The following RIN3 variants were observed in gnomAD, a reference collection of about 807,000 sequenced individuals.
RIN3 encodes RAB5 interacting protein 3.
RIN3 carries 54 observed loss-of-function variants against 76.3 expected under a neutral mutation model. The observed-to-expected ratio is 0.71, with a 90% CI of 0.57 to 0.89. RIN3 has a LOEUF of 0.89. Among genes scored for constraint, RIN3 ranks in the 40% least tolerant of loss-of-function variants. The pLI is 0.00. For missense variants in RIN3, 1,256 were observed against 1,322.1 expected (o/e 0.95, Z 0.78); for synonymous variants, 576 against 564.0 (o/e 1.02, Z -0.30).
intron 3 of RIN3, among the ~76,000 whole-genome samples, chr14:92,598,557 G>A (rs1421109875): frequency 2.0e-5 from 3 of 152,164 alleles, no homozygotes; most frequent in Non-Finnish European, 4.4e-5. Flanking sequence ...ATGAAGAAAC[G>A]GAGGCACAGA....
At chr14:92,523,754 C>T (rs1417701644) in intron 1 of RIN3, among the ~76,000 whole-genome samples, 1 of 152,228 alleles carries the variant, frequency 6.6e-6, no homozygotes, top group African/African-American at 2.4e-5. Flanking sequence ...TTTGACAGGG[C>T]TAGGTTTGCT....
chr14:92,561,470 T>C (rs1897776909), intron 2 of RIN3, among the ~76,000 whole-genome samples: 2 of 151,074 alleles, frequency 1.3e-5, no homozygotes, highest in Non-Finnish European at 3.0e-5. Flanking sequence ...ATAGCCACCT[T>C]TATTTATTCT....
At chr14:92,621,799 C>A (rs1175612950) in intron 4 of RIN3, among the ~76,000 whole-genome samples, 8 of 152,176 alleles carry the variant, frequency 5.3e-5, no homozygotes, top group Non-Finnish European at 1.2e-4. Flanking sequence ...AGTAAGTGTA[C>A]ATACAAATAA....
At chr14:92,629,441 G>A (rs191042727) in intron 4 of RIN3, among the ~76,000 whole-genome samples, 30 of 152,340 alleles carry the variant, frequency 2.0e-4, no homozygotes, top group African/African-American at 6.7e-4. Context: ...AGAATCTGGG[G>A]GAGTTTAAAT....
At chr14:92,630,256 C>T (rs768228683) in intron 4 of RIN3, among the ~76,000 whole-genome samples, 24 of 152,108 alleles carry the variant, frequency 1.6e-4, no homozygotes, top group Non-Finnish European at 2.9e-5. Flanking sequence ...TTTAGGAGGC[C>T]GAGGCGGGTG....
chr14:92,543,562 G>A (rs1480135695), intron 1 of RIN3, among the ~76,000 whole-genome samples: 1 of 151,436 alleles, frequency 6.6e-6, no homozygotes, highest in East Asian at 1.9e-4. Flanking sequence ...GCAATGGTGG[G>A]AGCATTTACA....
intron 3 of RIN3, among the ~76,000 whole-genome samples, chr14:92,596,767 G>A (rs1040504513): frequency 6.6e-6 from 1 of 152,206 alleles, no homozygotes; most frequent in African/African-American, 2.4e-5. Context: ...GATGGCTTCA[G>A]CAAGGACAGC....
chr14:92,519,531 C>T (rs28529220), intron 1 of RIN3, among the ~76,000 whole-genome samples: 29,117 of 152,088 alleles, frequency 0.19, 3,409 homozygotes, highest in Non-Finnish European at 0.27. Context: ...CGCAGACAGC[C>T]GGGGATACGG....
intron 5 of RIN3, 87 bp from the exon 6 acceptor site, chr14:92,651,495 G>A (rs1018649533): frequency 4.0e-5 from 17 of 423,940 alleles, no homozygotes; most frequent in African/African-American, 3.1e-4. Context: ...CCTCCCACCC[G>A]TGGACCCCGC....
intron 5 of RIN3, among the ~76,000 whole-genome samples, chr14:92,646,242 C>T (rs1887195938): frequency 1.3e-5 from 2 of 152,170 alleles, no homozygotes; most frequent in Admixed American, 6.5e-5. Context: ...CGCCCCTCGG[C>T]CCTTTCCTCC....
chr14:92,566,799 C>T (rs1348182800), intron 2 of RIN3, among the ~76,000 whole-genome samples: 2 of 152,220 alleles, frequency 1.3e-5, no homozygotes, highest in South Asian at 2.1e-4. Flanking sequence ...AGGCCCAACA[C>T]TCTGGACCTG....
chr14:92,515,301 C>A, intron 1 of RIN3: 1 of 696,376 alleles, frequency 1.4e-6, no homozygotes. Context: ...ATCTGCCACA[C>A]CCAAGATGGC....
chr14:92,543,091 C>T (rs1211034464), intron 1 of RIN3, among the ~76,000 whole-genome samples: 1 of 152,106 alleles, frequency 6.6e-6, no homozygotes, highest in Non-Finnish European at 1.5e-5. Flanking sequence ...AAAAACGAAC[C>T]ACCCTATCTG....
intron 4 of RIN3, among the ~76,000 whole-genome samples, chr14:92,617,142 T>C (rs936768925): frequency 6.6e-6 from 1 of 152,000 alleles, no homozygotes; most frequent in African/African-American, 2.4e-5. Context: ...CTACTAAAAA[T>C]ACCAAAAATT....
intron 1 of RIN3, among the ~76,000 whole-genome samples, chr14:92,523,069 C>A (rs903322835): frequency 1.1e-4 from 16 of 152,176 alleles, no homozygotes; most frequent in African/African-American, 3.6e-4. Context: ...GACTGCTTAC[C>A]AGTTTTTTAT....
In RIN3 at chr14:92,652,101, TG is replaced by T. The variant is rs1441187564; in HGVS notation, c.1055del (p.Gly352AlafsTer8). 6.2e-7 allele frequency: 1 copy of T among 1,603,134 alleles called. No homozygotes were observed. The highest frequency in any genetic ancestry group is 2.2e-5 in the East Asian group (1 of 44,628). ...AGACTCCCATGCCCCACTGCAGGCC[TG>T]GGCCCCCTCAGGGAGGAAGCGATGA... is the stretch of plus-strand genomic sequence containing the variant. Reference protein sequence around the residue: ...CERLPCPTAGLGPLREEAMKP... With the variant: ...CERLPCPTAGXGPLREEAMKP... On this transcript the variant is annotated frameshift_variant, in exon 6 of 10. Coordinates refer to ENST00000216487, the MANE Select transcript of RIN3 (RefSeq NM_024832.5). LOFTEE classifies it high-confidence loss of function. The surrounding 1 kb of genome is among the most constrained non-coding windows in gnomAD (Gnocchi z 6.4).
rs1194518273 is a variant in RIN3 at position 92,527,555 on chromosome 14, C to T, written c.44+13579C>T. Among the ~76,000 whole-genome samples the T allele has an allele frequency of 2.0e-5, 3 of 152,142 alleles. No individual in the cohort carries two copies. The East Asian group carries it at 5.8e-4, about 29-fold the overall frequency. On this transcript the variant is annotated intron_variant, in intron 1 of 9. Coordinates refer to ENST00000216487, the MANE Select transcript of RIN3 (RefSeq NM_024832.5). Reference sequence around the variant, plus strand: ...ATTTACACGGAGTAAAAGTCACTCTCTTTAGTGTACGTTTCTGCACGTTTT... The same window carrying T: ...ATTTACACGGAGTAAAAGTCACTCTTTTTAGTGTACGTTTCTGCACGTTTT...
At chr14:92,532,035 T>C (rs971826799) in intron 1 of RIN3, among the ~76,000 whole-genome samples, 1 of 151,784 alleles carries the variant, frequency 6.6e-6, no homozygotes, top group Non-Finnish European at 1.5e-5. Flanking sequence ...TTCAAGCGAT[T>C]CTCCTGCCTC....
intron 8 of RIN3, among the ~76,000 whole-genome samples, chr14:92,677,046 C>T (rs1888491548): frequency 6.6e-6 from 1 of 152,122 alleles, no homozygotes; most frequent in Admixed American, 6.5e-5. Context: ...AGGCAGTGCT[C>T]ACAGTAAGAG....
Sources: allele counts gnomAD v4.1 joint callset (sites outside exome capture counted in the v4.1 genomes callset), GRCh38; gene constraint gnomAD v4.1.1; non-coding constraint Gnocchi (gnomAD v3.1); transcripts MANE v1.5; gene names NCBI Gene and HGNC (gene_info 2026-07-23, HGNC 2026-07-21).